Variants in ATG3 observed in about 807,000 individuals in gnomAD.
ATG3 encodes ubiquitin-like-conjugating enzyme ATG3.
In ATG3, 25 loss-of-function variants were observed where a neutral mutation model predicts 50.7. The observed-to-expected ratio is 0.49, with a 90% confidence interval of 0.36 to 0.69. ATG3 has a LOEUF of 0.69. ATG3 is among the 30% of genes least tolerant of loss of function. The pLI is 0.00. For missense variants in ATG3, 281 were observed against 376.0 expected, an observed-to-expected ratio of 0.75 and a Z score of 2.09; for synonymous variants, 119 against 125.5, an observed-to-expected ratio of 0.95 and a Z score of 0.34.
At chr3:112,537,593 C>A in intron 9 of ATG3, 142 bp downstream of exon 9, 1 of 560,502 alleles carries the variant, frequency 1.8e-6, no homozygotes. Context: ...GAATCAAGTT[C>A]AACATTAATC....
At chr3:112,544,555 G>A (rs778578561) in intron 5 of ATG3, among the ~76,000 whole-genome samples, 3 of 150,650 alleles carry the variant, frequency 2.0e-5, no homozygotes, top group African/African-American at 4.9e-5. Flanking sequence ...TTGGGAGGCT[G>A]AGACAGGAGA....
intron 3 of ATG3, among the ~76,000 whole-genome samples, chr3:112,550,982 G>A (rs1933510794): frequency 6.6e-6 from 1 of 152,130 alleles, no homozygotes; most frequent in Non-Finnish European, 1.5e-5. Context: ...CTTGGTGGGA[G>A]AGCAAGGGTC....
At chr3:112,538,311 AATAG>A (rs779869970) in intron 7 of ATG3, 131 bp from the exon 8 acceptor site, 4 of 670,484 alleles carry the variant, frequency 6.0e-6, no homozygotes, top group East Asian at 5.7e-5. Context: ...GAAGATATTG[AATAG>A]ATAGATATAA....
At chr3:112,534,102 A>G in intron 11 of ATG3, 167 bp downstream of exon 11, 4 of 1,371,802 alleles carry the variant, frequency 2.9e-6, no homozygotes, top group Non-Finnish European at 3.8e-6. Context: ...AGGCATAACT[A>G]TCACAATATA....
chr3:112,548,418 T>TCC (rs1933431511), intron 5 of ATG3, 115 bp downstream of exon 5: 1 of 888,610 alleles, frequency 1.1e-6, no homozygotes, highest in South Asian at 1.7e-5. Flanking sequence ...TTCATGTAAG[T>TCC]CTATTGGGAC....
At chr3:112,540,302 T>C (rs192100717) in intron 7 of ATG3, among the ~76,000 whole-genome samples, 9 of 152,338 alleles carry the variant, frequency 5.9e-5, no homozygotes, top group African/African-American at 2.2e-4. Flanking sequence ...CAAGCATCAC[T>C]TGCCATTATG....
intron 10 of ATG3, 128 bp downstream of exon 10, chr3:112,536,345 AAG>A: frequency 2.7e-6 from 3 of 1,092,290 alleles, no homozygotes; most frequent in Non-Finnish European, 1.3e-6. Context: ...TAAGGAGGAC[AAG>A]AGAGAATTTT....
Position 112,561,450 on chromosome 3 carries a change from G to T in ATG3, c.72+7C>A. The T allele has an allele frequency of 6.2e-7, 1 of 1,612,048 alleles. No homozygotes were observed. On this transcript the variant is annotated splice_region_variant and intron_variant, in intron 1 of 11. Transcript: ENST00000283290. ...TGACAGCTCCCGGCAACCCTGGCCT[G>T]GCTTACCTTGAGGACCGGGGTCAGG...
rs1481342540 is a variant in ATG3, at chr3:112,533,505, C to T, written c.864-725G>A. The stretch of plus-strand genomic sequence containing the variant: ...GTTCAAAGTTCTTCTTAGGGACACA[C>T]TTTATTAGCAATGCCCCACAGTCTG... On this transcript the variant is annotated intron_variant, in intron 11 of 11. Coordinates refer to ENST00000283290, the MANE Select transcript of ATG3 (RefSeq NM_022488.5). 4.1e-6 allele frequency: 4 copies of T among 985,178 alleles called. No homozygotes were observed. The African/African-American group carries it at 5.2e-5, about 13-fold the overall frequency. The allele number at this position is 985,178 out of a possible 1,614,324, so 61.0% of individuals were successfully genotyped here.
chr3:112,533,997 A>G, intron 11 of ATG3: 5 of 1,183,812 alleles, frequency 4.2e-6, no homozygotes, highest in Non-Finnish European at 5.2e-6. Flanking sequence ...TACATAAGAA[A>G]AAGATACTCA....
rs564919177 is a variant in ATG3, at chr3:112,561,829, A to G, written c.-301T>C. On this transcript the variant is annotated 5_prime_UTR_variant, in exon 1 of 12. Transcript: ENST00000283290. Reference sequence around the variant, plus strand: ...GGCCGAAGGGAGACCTGAGGTGAGAAGCGGACGCACACGCACCCCTCGCCC... The same window carrying G: ...GGCCGAAGGGAGACCTGAGGTGAGAGGCGGACGCACACGCACCCCTCGCCC... 6.5e-5 allele frequency: 26 copies of G among 399,318 alleles called. No homozygotes were observed. In the East Asian group the frequency reaches 6.7e-4, roughly 10 times the overall value. 24.7% of individuals were successfully genotyped at this position (399,318 alleles called of 1,614,324 possible). A position where few individuals can be genotyped will look rare whatever the true frequency, so the allele number is the denominator to read the frequency against.
intron 7 of ATG3, among the ~76,000 whole-genome samples, chr3:112,538,645 G>GT (rs1455753820): frequency 6.6e-6 from 1 of 152,056 alleles, no homozygotes; most frequent in Non-Finnish European, 1.5e-5. Flanking sequence ...TTCTATGCTG[G>GT]TTCCTCTTCA....
intron 2 of ATG3, among the ~76,000 whole-genome samples, chr3:112,556,444 G>A (rs1933684841): frequency 6.6e-6 from 1 of 151,718 alleles, no homozygotes; most frequent in East Asian, 1.9e-4. Context: ...CCGTCCGGGA[G>A]GTGAGGGGCA....
chr3:112,552,148 T>C (rs1933545268), intron 3 of ATG3, among the ~76,000 whole-genome samples: 1 of 152,106 alleles, frequency 6.6e-6, no homozygotes, highest in African/African-American at 2.4e-5. Flanking sequence ...CAACTACAAT[T>C]GAAAAACAAT....
rs191712400 is a variant in ATG3 at position 112,550,952 on chromosome 3, A to G, written c.165-690T>C. Among the ~76,000 whole-genome samples, 18 of 152,364 alleles carry G rather than the reference A, an allele frequency of 1.2e-4. No homozygotes were observed. In the East Asian group the frequency reaches 3.5e-3, roughly 29 times the overall value. On this transcript the variant is annotated intron_variant, in intron 3 of 11. Transcript: ENST00000283290. ...AGTAAACTAAAGATTAAACAGATCAAGTTGCTTATGATCACAAAACTTGGT... is the reference window on the plus strand; with the variant it reads ...AGTAAACTAAAGATTAAACAGATCAGGTTGCTTATGATCACAAAACTTGGT...
At chr3:112,543,078 G>A (rs1008274243) in intron 6 of ATG3, among the ~76,000 whole-genome samples, 5 of 151,802 alleles carry the variant, frequency 3.3e-5, no homozygotes, top group African/African-American at 7.3e-5. Context: ...ACTTGTCTTC[G>A]TTTCTATCAC....
intron 1 of ATG3, among the ~76,000 whole-genome samples, chr3:112,560,169 G>A (rs893148326): frequency 1.1e-4 from 17 of 151,978 alleles, no homozygotes; most frequent in Non-Finnish European, 5.9e-5. Context: ...CCTCTCTCCC[G>A]GAAACTAAAA....
At chr3:112,540,592 T>C (rs776198599) in intron 7 of ATG3, among the ~76,000 whole-genome samples, 8 of 151,108 alleles carry the variant, frequency 5.3e-5, no homozygotes, top group Non-Finnish European at 8.8e-5. Context: ...AATGCCATTA[T>C]AGAAGAAAAA....
chr3:112,555,521 G>GT (rs1167168300), intron 2 of ATG3, among the ~76,000 whole-genome samples: 1 of 152,072 alleles, frequency 6.6e-6, no homozygotes, highest in Non-Finnish European at 1.5e-5. Context: ...TCCAACATTA[G>GT]TTTTTTCTTT....
Sources: gnomAD v4.1 joint callset for allele counts (sites outside exome capture counted in the v4.1 genomes callset) on GRCh38, gnomAD v4.1.1 for gene constraint, MANE v1.5 for transcripts, NCBI Gene and HGNC (gene_info 2026-07-23, HGNC 2026-07-21) for gene names.